Variants in PPP2R2C observed in about 807,000 individuals in gnomAD.
PPP2R2C encodes protein phosphatase 2 regulatory subunit Bgamma.
Under a neutral mutation model 45.3 loss-of-function variants are expected in PPP2R2C, and 10 were observed. The observed-to-expected ratio is 0.22, with a 90% CI of 0.14 to 0.37. The LOEUF is 0.37. Among genes scored for constraint, PPP2R2C ranks in the 10% least tolerant of loss-of-function variants. The pLI is 1.00. For synonymous variants in PPP2R2C, 257 were observed against 245.4 expected (o/e 1.05, Z -0.44); for missense variants, 308 against 619.7 (o/e 0.50, Z 5.34).
At chr4:6,373,066 T>G (rs535148572) in intron 4 of PPP2R2C, among the ~76,000 whole-genome samples, 3 of 152,256 alleles carry the variant, frequency 2.0e-5, no homozygotes, top group Admixed American at 6.5e-5. Flanking sequence ...GCTGTCTACA[T>G]GTGGACTACA....
intron 2 of PPP2R2C, among the ~76,000 whole-genome samples, chr4:6,500,082 C>T (rs1383768705): frequency 5.3e-5 from 8 of 152,170 alleles, no homozygotes; most frequent in Non-Finnish European, 7.3e-5. Flanking sequence ...AATGTTTGTT[C>T]CTAACAACAC....
At chr4:6,473,542 C>T (rs143759880), upstream of PPP2R2C, among the ~76,000 whole-genome samples, 213 of 152,320 alleles carry the variant, frequency 1.4e-3, 1 homozygote, top group African/African-American at 4.9e-3. Flanking sequence ...TCCTGGAAAG[C>T]GAGGGACTCT....
At chr4:6,393,063 C>A (rs1195441882) in intron 1 of PPP2R2C, among the ~76,000 whole-genome samples, 1 of 152,194 alleles carries the variant, frequency 6.6e-6, no homozygotes, top group Non-Finnish European at 1.5e-5. Context: ...GTACAATATA[C>A]ATAACATGAA....
intron 1 of PPP2R2C, among the ~76,000 whole-genome samples, chr4:6,449,944 C>T (rs146826176): frequency 0.024 from 3,698 of 152,328 alleles, 66 homozygotes; most frequent in Non-Finnish European, 0.036. Context: ...GGCTTCGGCG[C>T]CACCTCCTCT....
intron 1 of PPP2R2C, among the ~76,000 whole-genome samples, chr4:6,387,706 G>T (rs1463547566): frequency 6.6e-6 from 1 of 152,032 alleles, no homozygotes; most frequent in African/African-American, 2.4e-5. Context: ...CCAGCTATCT[G>T]GGAGGCTGAG....
rs189293539 is a variant in PPP2R2C, at chr4:6,420,215, G to A, written c.71-39121C>T. 1.0e-3 allele frequency among the ~76,000 whole-genome samples: 153 copies of A among 152,306 alleles called. 1 individual carries two copies. The highest frequency in any genetic ancestry group is 3.6e-3 in the African/African-American group (149 of 41,564). On this transcript the variant is annotated intron_variant, in intron 1 of 8. Transcript: ENST00000382599. ...GAGCAAGACTTCCCAAGGACAGGCT[G>A]TGCAACGACAGGAGGCTGGCACACA...
At chr4:6,391,154 C>T (rs940246699) in intron 1 of PPP2R2C, among the ~76,000 whole-genome samples, 1 of 152,138 alleles carries the variant, frequency 6.6e-6, no homozygotes, top group African/African-American at 2.4e-5. Flanking sequence ...AACCTGGACA[C>T]CCAGGAACCC....
chr4:6,432,674 C>G (rs1002401411), intron 1 of PPP2R2C, among the ~76,000 whole-genome samples: 3 of 152,226 alleles, frequency 2.0e-5, no homozygotes, highest in Non-Finnish European at 4.4e-5. Context: ...CTGTACATAA[C>G]ATATGAAACT....
At position 6,330,240 on chromosome 4, in the gene PPP2R2C, C is replaced by T. The variant is rs978594280; in HGVS notation, c.961-887G>A. On this transcript the variant is annotated intron_variant, in intron 7 of 8. Coordinates refer to ENST00000382599, the MANE Select transcript of PPP2R2C (RefSeq NM_020416.4). The surrounding 1 kb of genome is among the most constrained non-coding windows in gnomAD (Gnocchi z 7.0). ...CTGGAGCTGCCAGGACAACAGGGCA[C>T]GGGCTCTGCCCTCTGGGTGCGGAAG... 8.5e-5 allele frequency among the ~76,000 whole-genome samples: 13 copies of T among 152,216 alleles called. No homozygotes were observed. Among genetic ancestry groups the T allele is most frequent in the African/African-American group, 2.7e-4 (11 of 41,458 alleles).
chr4:6,511,807 TTGGTGGTGGTGATGGTGG>T (rs1560594408), intron 2 of PPP2R2C, among the ~76,000 whole-genome samples: 40 of 2,186 alleles, frequency 0.018, 2 homozygotes, highest in East Asian at 0.083. Flanking sequence ...GATGGTGGTG[TTGGTGGTGGTGATGGTGG>T]TGGTGGTGGT....
chr4:6,544,321 A>C (rs149488834), intron 1 of PPP2R2C, among the ~76,000 whole-genome samples: 66 of 152,262 alleles, frequency 4.3e-4, no homozygotes, highest in Non-Finnish European at 9.0e-4. Context: ...TTGTAGATGA[A>C]TGCTTTCCTG....
At chr4:6,530,698 A>G (rs1376998570) in intron 2 of PPP2R2C, among the ~76,000 whole-genome samples, 1 of 152,184 alleles carries the variant, frequency 6.6e-6, no homozygotes, top group Non-Finnish European at 1.5e-5. Context: ...TCTTCTGCCA[A>G]ATGGACACTG....
chr4:6,499,013 A>G (rs1243137922), intron 2 of PPP2R2C, among the ~76,000 whole-genome samples: 2 of 152,034 alleles, frequency 1.3e-5, no homozygotes, highest in African/African-American at 4.8e-5. Context: ...CCCAAGTTAG[A>G]CAGCTCAGGG....
At chr4:6,442,855 G>A (rs949523955) in intron 1 of PPP2R2C, among the ~76,000 whole-genome samples, 25 of 152,188 alleles carry the variant, frequency 1.6e-4, no homozygotes, top group Non-Finnish European at 2.4e-4. Flanking sequence ...CCCCAGCACC[G>A]AGCAGCTAGT....
chr4:6,549,571 C>T (rs1005334843), intron 1 of PPP2R2C, among the ~76,000 whole-genome samples: 2 of 152,228 alleles, frequency 1.3e-5, no homozygotes, highest in African/African-American at 4.8e-5. Context: ...CAGAGCCAGA[C>T]TGATAACACC....
At chr4:6,394,238 C>G (rs978816509) in intron 1 of PPP2R2C, among the ~76,000 whole-genome samples, 1 of 152,214 alleles carries the variant, frequency 6.6e-6, no homozygotes, top group Non-Finnish European at 1.5e-5. Flanking sequence ...GTGGGGCTGC[C>G]TGATTCTCAG....
intron 2 of PPP2R2C, among the ~76,000 whole-genome samples, chr4:6,529,837 T>C (rs1467750399): frequency 6.6e-6 from 1 of 152,174 alleles, no homozygotes; most frequent in Non-Finnish European, 1.5e-5. Context: ...CACTCACTTC[T>C]CTGCTTGGGA....
chr4:6,346,979 G>A (rs1009649220), intron 6 of PPP2R2C, among the ~76,000 whole-genome samples: 31 of 152,214 alleles, frequency 2.0e-4, no homozygotes, highest in African/African-American at 6.8e-4. Flanking sequence ...CCTCCTGCCT[G>A]GCCCCTTGCT....
rs537195369 is a variant in PPP2R2C at position 6,358,349 on chromosome 4, A to G, written c.626-10339T>C. Among the ~76,000 whole-genome samples, 4 of 152,340 alleles carry G rather than the reference A, an allele frequency of 2.6e-5. No individual in the cohort carries two copies. The East Asian group carries it at 7.7e-4, about 29-fold the overall frequency. ...CAAAAATTAATTCAAGATGGAGTAA[A>G]GACTTAAATGTTAGACCTAAAACCA... On this transcript the variant is annotated intron_variant, in intron 5 of 8. Transcript: ENST00000382599.
Sources: gnomAD v4.1 joint callset for allele counts (sites outside exome capture counted in the v4.1 genomes callset) on GRCh38, gnomAD v4.1.1 for gene constraint, Gnocchi (gnomAD v3.1) non-coding constraint, MANE v1.5 for transcripts, NCBI Gene and HGNC (gene_info 2026-07-23, HGNC 2026-07-21) for gene names.